The following DOT1L variants were observed in gnomAD, a reference collection of about 807,000 sequenced individuals.
DOT1L encodes histone-lysine N-methyltransferase, H3 lysine-79 specific.
A neutral mutation model predicts 153.3 loss-of-function variants in DOT1L; 33 were observed. That is an observed-to-expected ratio of 0.22 (90% CI 0.16 to 0.29). DOT1L has a LOEUF of 0.29. Among genes scored for constraint, DOT1L ranks in the 10% least tolerant of loss-of-function variants. DOT1L has a pLI of 1.00. For synonymous variants in DOT1L, 1,135 were observed against 965.1 expected (o/e 1.18, Z -3.26); for missense variants, 1,847 against 2,119.9 (o/e 0.87, Z 2.53).
In DOT1L at chr19:2,204,448, C is replaced by T. The variant is rs1199387522; in HGVS notation, c.787+1669C>T. 6.6e-6 allele frequency among the ~76,000 whole-genome samples: 1 copy of T among 152,114 alleles called. No individual in the cohort carries two copies. The highest frequency in any genetic ancestry group is 1.5e-5 in the Non-Finnish European group (1 of 68,034). ...CTTCCCCGCCCAGTCGCCCCCACAC[C>T]CCAGCAGCACTACGGGCCTCCCTGC... On this transcript the variant is annotated intron_variant, in intron 9 of 27. Transcript: ENST00000398665. This position sits in a 1 kb window ranked among gnomAD's most constrained non-coding sequence, Gnocchi z 5.7.
At chr19:2,174,750 G>A (rs549543385) in intron 1 of DOT1L, among the ~76,000 whole-genome samples, 1 of 150,626 alleles carries the variant, frequency 6.6e-6, no homozygotes, top group East Asian at 1.9e-4. Context: ...CTCCCAAACA[G>A]CTGAGACTAC....
Position 2,193,774 on chromosome 19 carries a change from G to A in DOT1L, c.579G>A (p.Lys193=), listed in dbSNP as rs748853646. 1.2e-6 allele frequency: 2 copies of A among 1,613,820 alleles called. No homozygotes were observed. Among genetic ancestry groups the A allele is most frequent in the African/African-American group, 1.3e-5 (1 of 74,934 alleles). The change falls in exon 6 of 28, where the codon AAG becomes AAA. Residue 193 remains lysine, a synonymous_variant. Transcript: ENST00000398665. The surrounding 1 kb of genome is among the most constrained non-coding windows in gnomAD (Gnocchi z 5.9). Reference sequence around the variant, plus strand: ...TCGAGAAAGCAGACATCCCGGCCAAGTATGCGGAGGTGAGCGGATCTGAGG... The same window carrying A: ...TCGAGAAAGCAGACATCCCGGCCAAATATGCGGAGGTGAGCGGATCTGAGG... ...YGVEKADIPA[K]YAETMDREFR...
Position 2,229,804 on chromosome 19 carries a change from C to T in DOT1L, c.*12C>T. ...CTGCAGGTAACTAGGATTTCTACCT[C>T]AACCGCGAGACCTATGCAAGGACGG... On this transcript the variant is annotated 3_prime_UTR_variant, in exon 28 of 28. Coordinates refer to ENST00000398665, the MANE Select transcript of DOT1L (RefSeq NM_032482.3). 1.9e-6 allele frequency: 3 copies of T among 1,613,278 alleles called. No individual in the cohort carries two copies. The highest frequency in any genetic ancestry group is 2.5e-6 in the Non-Finnish European group (3 of 1,179,938).
chr19:2,222,521 A>T lies in DOT1L; in HGVS notation c.3352A>T (p.Thr1118Ser). 6.4e-7 allele frequency: 1 copy of T among 1,569,370 alleles called. No individual in the cohort carries two copies. Among genetic ancestry groups the T allele is most frequent in the Non-Finnish European group, 8.6e-7 (1 of 1,161,374 alleles). Residue 1118 changes from threonine to serine, a missense_variant, in exon 24 of 28, where the codon ACA (threonine) becomes TCA (serine). Thr to Ser is a moderately conservative substitution (Grantham distance 58). Around this residue, in one of 8 missense-constraint regions of DOT1L, gnomAD observed 934 missense variants for 825.3 expected, o/e 1.13. Transcript: ENST00000398665. The surrounding 1 kb of genome is among the most constrained non-coding windows in gnomAD (Gnocchi z 6.5). ...CCTGCCGTCCGTCGCTGGCCTTTTC[A>T]CACAGCCTTCGGGGTCTCCCCTCAA... ...RALPSVAGLF[T>S]QPSGSPLNLN...
rs2023945290 is a variant in DOT1L, at chr19:2,217,288, G to A, written c.2544+198G>A. ...ACAGGTGACGTTGGGCAGGTGCCATGGAGGACATGGGGTTTGTCAGGGTGT... is the reference window on the plus strand; with the variant it reads ...ACAGGTGACGTTGGGCAGGTGCCATAGAGGACATGGGGTTTGTCAGGGTGT... On this transcript the variant is annotated intron_variant, in intron 21 of 27. Coordinates refer to ENST00000398665, the MANE Select transcript of DOT1L (RefSeq NM_032482.3). This position sits in a 1 kb window ranked among gnomAD's most constrained non-coding sequence, Gnocchi z 7.3. 6.6e-6 allele frequency among the ~76,000 whole-genome samples: 1 copy of A among 152,192 alleles called. No individual in the cohort carries two copies. Among genetic ancestry groups the A allele is most frequent in the Admixed American group, 6.5e-5 (1 of 15,280 alleles).
At chr19:2,228,300 A>G (rs758436647) in intron 27 of DOT1L, 6 of 1,350,558 alleles carry the variant, frequency 4.4e-6, no homozygotes, top group Non-Finnish European at 5.9e-6. Flanking sequence ...GTCCCTCGGC[A>G]TGCCGCCTCC....
intron 9 of DOT1L, among the ~76,000 whole-genome samples, chr19:2,202,995 C>A (rs967322211): frequency 6.6e-6 from 1 of 152,224 alleles, no homozygotes; most frequent in Non-Finnish European, 1.5e-5. Context: ...AATCTCTGCT[C>A]ACTGCAACCT....
chr19:2,168,259 G>T (rs2144646198), intron 1 of DOT1L, among the ~76,000 whole-genome samples: 1 of 152,302 alleles, frequency 6.6e-6, no homozygotes, highest in East Asian at 1.9e-4. Context: ...CTTGAGCCCA[G>T]GAGTTTGAGA....
At chr19:2,202,843 T>C (rs776073031) in intron 9 of DOT1L, 64 bp downstream of exon 9, 342 of 1,562,600 alleles carry the variant, frequency 2.2e-4, no homozygotes, top group Non-Finnish European at 2.8e-4. Flanking sequence ...GGCCAGGAGG[T>C]CCCCGCAGGG....
In DOT1L at chr19:2,208,773, G is replaced by A. The variant is rs183351730; in HGVS notation, c.964-162G>A. Among the ~76,000 whole-genome samples, 57 of 152,254 alleles carry A rather than the reference G, an allele frequency of 3.7e-4. No homozygotes were observed. The highest frequency in any genetic ancestry group is 8.5e-4 in the Admixed American group (13 of 15,290). ...GGCCACAGCTGGGTTAGTCACATCC[G>A]CGTTTGCCACTGGGGGGCTCTAGCT... On this transcript the variant is annotated intron_variant, in intron 11 of 27. Transcript: ENST00000398665. This position sits in a 1 kb window ranked among gnomAD's most constrained non-coding sequence, Gnocchi z 4.4.
In DOT1L at chr19:2,204,767, T is replaced by G. The variant is rs2023429940; in HGVS notation, c.788-1962T>G. Among the ~76,000 whole-genome samples the G allele has an allele frequency of 6.6e-6, 1 of 152,122 alleles. No individual in the cohort carries two copies. Among genetic ancestry groups the G allele is most frequent in the Non-Finnish European group, 1.5e-5 (1 of 68,020 alleles). On this transcript the variant is annotated intron_variant, in intron 9 of 27. Coordinates refer to ENST00000398665, the MANE Select transcript of DOT1L (RefSeq NM_032482.3). The surrounding 1 kb of genome is among the most constrained non-coding windows in gnomAD (Gnocchi z 5.7). ...TTTGTTAGCCTGGCTCTGCAACCAT[T>G]AGACGTGGCCCTGCTCATGTTTGAG...
chr19:2,172,478 C>A, intron 1 of DOT1L, among the ~76,000 whole-genome samples: 1 of 149,644 alleles, frequency 6.7e-6, no homozygotes, highest in South Asian at 2.1e-4. Context: ...TGTGAGCCAC[C>A]GTGCCCGGCC....
In DOT1L at chr19:2,213,705, C is replaced by T. The variant is rs376557534; in HGVS notation, c.1659+65C>T. On this transcript the variant is annotated intron_variant, in intron 17 of 27. Coordinates refer to ENST00000398665, the MANE Select transcript of DOT1L (RefSeq NM_032482.3). The stretch of plus-strand genomic sequence containing the variant: ...GGCGCAGGCTGGGGTGGTCCATGTC[C>T]GTCGGTATGGCTTCCTGTGGCTTCC... The T allele has an allele frequency of 8.0e-5, 128 of 1,603,368 alleles. No individual in the cohort carries two copies. In the African/African-American group the frequency reaches 8.5e-4, roughly 11 times the overall value.
Position 2,207,493 on chromosome 19 carries a change from C to T in DOT1L, c.857-81C>T, listed in dbSNP as rs1213141453. ...CGCGCAGCTCAGGCTTCTGTCCCCA[C>T]GCCTGCCCTGGGGTGGGTGAGGTCT... On this transcript the variant is annotated intron_variant, in intron 10 of 27. Coordinates refer to ENST00000398665, the MANE Select transcript of DOT1L (RefSeq NM_032482.3). The surrounding 1 kb of genome is among the most constrained non-coding windows in gnomAD (Gnocchi z 4.5). 9.8e-6 allele frequency: 12 copies of T among 1,230,142 alleles called. No homozygotes were observed. Among genetic ancestry groups the T allele is most frequent in the East Asian group, 2.4e-5 (1 of 42,480 alleles). The allele number at this position is 1,230,142 out of a possible 1,614,324, so 76.2% of individuals were successfully genotyped here.
intron 9 of DOT1L, among the ~76,000 whole-genome samples, 196 bp downstream of exon 9, chr19:2,202,975 G>A (rs955784571): frequency 6.6e-6 from 1 of 152,178 alleles, no homozygotes; most frequent in Non-Finnish European, 1.5e-5. Context: ...AGGCTGGAGT[G>A]TAGTGGCACA....
chr19:2,195,959 C>G (rs542493671), intron 7 of DOT1L, among the ~76,000 whole-genome samples: 3 of 152,234 alleles, frequency 2.0e-5, no homozygotes, highest in Non-Finnish European at 4.4e-5. Context: ...CTCACTGTCT[C>G]CTCAGCAGGG....
rs751114914 is a variant in DOT1L at position 2,226,553 on chromosome 19, G to A, written c.4032G>A (p.Ala1344=). The change falls in exon 27 of 28, where the codon GCG becomes GCA. Residue 1344 remains alanine (A), a synonymous_variant. Coordinates refer to ENST00000398665, the MANE Select transcript of DOT1L (RefSeq NM_032482.3). ...GASLPHKGPE[A]AGLSSPLSFP... is the part of the protein sequence containing the mutation. ...CTCTTCCCCACAAGGGCCCCGAGGCGGCCGGCCTGAGCTCCCCGCTGAGCT... is the reference window on the plus strand; with the variant it reads ...CTCTTCCCCACAAGGGCCCCGAGGCAGCCGGCCTGAGCTCCCCGCTGAGCT... 11 of 1,600,430 alleles carry A rather than the reference G, an allele frequency of 6.9e-6. No individual in the cohort carries two copies. Among genetic ancestry groups the A allele is most frequent in the Admixed American group, 1.7e-5 (1 of 59,876 alleles).
chr19:2,170,554 G>C (rs191691346), intron 1 of DOT1L, among the ~76,000 whole-genome samples: 35 of 152,202 alleles, frequency 2.3e-4, no homozygotes, highest in African/African-American at 6.7e-4. Context: ...CTCACTTCCA[G>C]CATGTCTACC....
rs756529257 is a variant in DOT1L at position 2,217,708 on chromosome 19, T to C, written c.2545-64T>C. ...CTGTAGCAGGCCCCCGTCCTGTGGC[T>C]GTGGTCCCTGTGTCCTGGAGGGGTT... On this transcript the variant is annotated intron_variant, in intron 21 of 27. Transcript: ENST00000398665. This position sits in a 1 kb window ranked among gnomAD's most constrained non-coding sequence, Gnocchi z 7.3. 3.7e-5 allele frequency: 57 copies of C among 1,547,742 alleles called. No individual in the cohort carries two copies. The highest frequency in any genetic ancestry group is 5.0e-5 in the Non-Finnish European group (57 of 1,145,224).
Sources: allele counts gnomAD v4.1 joint callset (sites outside exome capture counted in the v4.1 genomes callset), GRCh38; gene constraint gnomAD v4.1.1; regional missense constraint gnomAD v4.1.1; non-coding constraint Gnocchi (gnomAD v3.1); transcripts MANE v1.5; gene names NCBI Gene and HGNC (gene_info 2026-07-23, HGNC 2026-07-21).